The following SPECC1L variants were observed in gnomAD, a reference collection of about 807,000 sequenced individuals.
SPECC1L encodes sperm antigen with calponin homology and coiled-coil domains 1 like.
In SPECC1L, 40 loss-of-function variants were observed where a neutral mutation model predicts 116.8. The ratio of observed to expected loss-of-function variants is 0.34; its 90% CI spans 0.27 to 0.45. The LOEUF is 0.45. Among genes scored for constraint, SPECC1L ranks in the 20% least tolerant of loss-of-function variants. SPECC1L has a pLI of 1.00. For missense variants in SPECC1L, 1,110 were observed against 1,373.6 expected (o/e 0.81, Z 3.03); for synonymous variants, 504 against 500.6 (o/e 1.01, Z -0.09).
chr22:24,340,072 A>G (rs1395124972), intron 10 of SPECC1L, among the ~76,000 whole-genome samples: 1 of 150,392 alleles, frequency 6.6e-6, no homozygotes, highest in Non-Finnish European at 1.5e-5. Flanking sequence ...GACATGAGCT[A>G]CCACGCCTGA....
chr22:24,281,400 G>T (rs1034019913), intron 2 of SPECC1L, among the ~76,000 whole-genome samples: 1 of 152,194 alleles, frequency 6.6e-6, no homozygotes, highest in African/African-American at 2.4e-5. Context: ...TTCAGGGGAA[G>T]AATTGACTTC....
intron 14 of SPECC1L, among the ~76,000 whole-genome samples, chr22:24,379,841 A>G (rs1469243319): frequency 6.6e-6 from 1 of 152,214 alleles, no homozygotes; most frequent in East Asian, 1.9e-4. Context: ...GTAAGTTAAC[A>G]TTGGACAGCC....
chr22:24,280,499 TA>T (rs1306046506), intron 2 of SPECC1L, among the ~76,000 whole-genome samples: 2 of 151,674 alleles, frequency 1.3e-5, no homozygotes, highest in African/African-American at 4.8e-5. Flanking sequence ...CTGTTGCATC[TA>T]ATCAACTCCA....
chr22:24,346,682 G>C (rs928875867), intron 10 of SPECC1L, among the ~76,000 whole-genome samples: 2 of 152,082 alleles, frequency 1.3e-5, no homozygotes, highest in African/African-American at 4.8e-5. Context: ...GGATCCTTAT[G>C]GTGATGGAAA....
rs766341491 is a variant in SPECC1L, at chr22:24,321,487, T to A, written c.507T>A (p.Ser169=). ...AATGTGACGTTCGTATGAGCAAGTC[T>A]AAGTCAGACAATCAGATCAGTGACA... ...ATECDVRMSK[S]KSDNQISDRA... The change falls in exon 5 of 17, where the codon TCT becomes TCA. Residue 169 remains serine, a synonymous_variant. Coordinates refer to ENST00000314328, the MANE Select transcript of SPECC1L (RefSeq NM_015330.6). 1.2e-5 allele frequency: 20 copies of A among 1,614,258 alleles called. No homozygotes were observed. The South Asian group carries it at 1.9e-4, about 15-fold the overall frequency.
intron 14 of SPECC1L, among the ~76,000 whole-genome samples, chr22:24,371,978 C>T (rs2041880499): frequency 6.6e-6 from 1 of 152,194 alleles, no homozygotes; most frequent in Non-Finnish European, 1.5e-5. Flanking sequence ...GCCTCAGCCT[C>T]CGAAACTGCT....
intron 6 of SPECC1L, among the ~76,000 whole-genome samples, chr22:24,326,351 T>C (rs918941129): frequency 2.0e-5 from 3 of 152,378 alleles, no homozygotes; most frequent in East Asian, 1.9e-4. Context: ...CCTCGTCTTA[T>C]GTCCAAAACC....
At chr22:24,401,402 G>A (rs144200185) in intron 14 of SPECC1L, among the ~76,000 whole-genome samples, 206 of 152,312 alleles carry the variant, frequency 1.4e-3, no homozygotes, top group Middle Eastern at 6.8e-3. Context: ...CATCTCAGCT[G>A]TGGAGTTCTG....
chr22:24,367,433 T>G (rs1289616387), intron 13 of SPECC1L, among the ~76,000 whole-genome samples: 1 of 152,144 alleles, frequency 6.6e-6, no homozygotes, highest in African/African-American at 2.4e-5. Context: ...ATTTTTTTTT[T>G]TGCAATTTTT....
chr22:24,408,842 G>A (rs772993671), intron 14 of SPECC1L, among the ~76,000 whole-genome samples: 11 of 152,268 alleles, frequency 7.2e-5, no homozygotes, highest in Non-Finnish European at 1.6e-4. Flanking sequence ...GATGATGCAG[G>A]TGATGAGAAG....
At chr22:24,409,794 G>A (rs2042657556) in intron 14 of SPECC1L, among the ~76,000 whole-genome samples, 1 of 152,248 alleles carries the variant, frequency 6.6e-6, no homozygotes, top group African/African-American at 2.4e-5. Flanking sequence ...TTTGGAGGCT[G>A]AGGTGACATC....
At chr22:24,297,029 C>T (rs1467684392) in intron 2 of SPECC1L, among the ~76,000 whole-genome samples, 2 of 148,334 alleles carry the variant, frequency 1.3e-5, no homozygotes, top group East Asian at 2.0e-4. Flanking sequence ...CACTGCAACC[C>T]GGGTTCAAGC....
chr22:24,337,339 G>A (rs144201270), intron 9 of SPECC1L, among the ~76,000 whole-genome samples: 60 of 152,306 alleles, frequency 3.9e-4, no homozygotes, highest in African/African-American at 1.4e-3. Context: ...AGATACAACA[G>A]GTCACATATT....
At chr22:24,362,687 CTGT>C (rs1447530855) in intron 11 of SPECC1L, among the ~76,000 whole-genome samples, 1 of 152,166 alleles carries the variant, frequency 6.6e-6, no homozygotes, top group Non-Finnish European at 1.5e-5. Context: ...CTTTCTCTGA[CTGT>C]TGTTGGCTAA....
chr22:24,358,438 C>T (rs928546915), intron 11 of SPECC1L, among the ~76,000 whole-genome samples: 2 of 152,136 alleles, frequency 1.3e-5, no homozygotes, highest in African/African-American at 4.8e-5. Context: ...TATTCCTCTG[C>T]AGAATATTGG....
At chr22:24,293,417 T>TA (rs1159496612) in intron 2 of SPECC1L, among the ~76,000 whole-genome samples, 1 of 152,044 alleles carries the variant, frequency 6.6e-6, no homozygotes, top group Non-Finnish European at 1.5e-5. Context: ...CGTGCCACTG[T>TA]ACTCCAGCCT....
At chr22:24,290,241 C>T (rs2049131852) in intron 2 of SPECC1L, among the ~76,000 whole-genome samples, 1 of 152,192 alleles carries the variant, frequency 6.6e-6, no homozygotes, top group African/African-American at 2.4e-5. Context: ...CTGCATTTTC[C>T]TTCCGTGGCC....
At chr22:24,385,682 C>A (rs894672260) in intron 14 of SPECC1L, among the ~76,000 whole-genome samples, 3 of 152,176 alleles carry the variant, frequency 2.0e-5, no homozygotes, top group African/African-American at 7.2e-5. Flanking sequence ...CTTCATGCTG[C>A]CCAGTAAGAC....
At chr22:24,334,872 TC>T (rs2041020924) in intron 9 of SPECC1L, among the ~76,000 whole-genome samples, 1 of 152,204 alleles carries the variant, frequency 6.6e-6, no homozygotes. Context: ...CCTGAGAACT[TC>T]CAGATGTATA....
Sources: gnomAD v4.1 joint callset for allele counts (sites outside exome capture counted in the v4.1 genomes callset) on GRCh38, gnomAD v4.1.1 for gene constraint, MANE v1.5 for transcripts, NCBI Gene and HGNC (gene_info 2026-07-23, HGNC 2026-07-21) for gene names.